TMEM132B: variants seen among roughly 807,000 people sequenced by gnomAD.
TMEM132B encodes transmembrane protein 132B.
TMEM132B carries 18 observed loss-of-function variants against 90.8 expected under a neutral mutation model. The observed-to-expected ratio is 0.20, with a 90% CI of 0.14 to 0.29. The LOEUF (loss-of-function observed/expected upper bound fraction) is 0.29, where lower values mean the gene tolerates loss of function less well. TMEM132B is among the 10% of genes least tolerant of loss of function. The pLI, the probability that TMEM132B is intolerant of heterozygous loss-of-function variation, is 1.00. For synonymous variants in TMEM132B, 504 were observed against 523.3 expected, an observed-to-expected ratio of 0.96 and a Z score of 0.50; for missense variants, 1,096 against 1,326.8, an observed-to-expected ratio of 0.83 and a Z score of 2.70.
chr12:125,561,966 C>T (rs897708161), intron 4 of TMEM132B, among the ~76,000 whole-genome samples: 10 of 152,166 alleles, frequency 6.6e-5, no homozygotes, highest in African/African-American at 2.4e-5. Context: ...ATTGGCTTCT[C>T]TTCTCTAGCG....
At chr12:125,565,878 T>C (rs1052124614) in intron 4 of TMEM132B, among the ~76,000 whole-genome samples, 1 of 152,226 alleles carries the variant, frequency 6.6e-6, no homozygotes, top group African/African-American at 2.4e-5. Flanking sequence ...CCTGTTCTTA[T>C]TTAGGGCTGT....
At chr12:125,231,317 C>T (rs77136561) in intron 1 of TMEM132B, among the ~76,000 whole-genome samples, 6,248 of 152,146 alleles carry the variant, frequency 0.041, 145 homozygotes, top group Non-Finnish European at 0.049. Flanking sequence ...TATGACCTCA[C>T]CTTAACTAAT....
chr12:125,563,280 G>A (rs1884582055), intron 4 of TMEM132B, among the ~76,000 whole-genome samples: 1 of 152,042 alleles, frequency 6.6e-6, no homozygotes, highest in Non-Finnish European at 1.5e-5. Flanking sequence ...AGACTTGCTC[G>A]ATGAAGAGTT....
chr12:125,660,869 G>C lies in TMEM132B; in HGVS notation c.*6159G>C, dbSNP rs1027958651. On this transcript the variant is annotated 3_prime_UTR_variant, in exon 9 of 9. Coordinates refer to ENST00000682704, the MANE Select transcript of TMEM132B (RefSeq NM_001366854.1). Reference sequence around the variant, plus strand: ...AGTCTCTTTAGATGCTGCAGGAACTGAGAGGATAGAAGACCTCTCTATACA... The same window carrying C: ...AGTCTCTTTAGATGCTGCAGGAACTCAGAGGATAGAAGACCTCTCTATACA... 1 of 152,214 alleles carries C rather than the reference G, an allele frequency of 6.6e-6. No homozygotes were observed. Among genetic ancestry groups the C allele is most frequent in the Non-Finnish European group, 1.5e-5 (1 of 68,036 alleles). 9.4% of individuals were successfully genotyped at this position (152,214 alleles called of 1,614,324 possible).
intron 6 of TMEM132B, among the ~76,000 whole-genome samples, chr12:125,646,995 A>G (rs192515265): frequency 1.9e-4 from 29 of 152,326 alleles, no homozygotes; most frequent in African/African-American, 7.0e-4. Context: ...AATGGAAAAT[A>G]TCTCAGCAAG....
chr12:125,533,625 C>A (rs1433260752), intron 4 of TMEM132B, among the ~76,000 whole-genome samples: 2 of 152,190 alleles, frequency 1.3e-5, no homozygotes, highest in Non-Finnish European at 2.9e-5. Context: ...TCCTGGCGCA[C>A]CCGCTAGATG....
intron 1 of TMEM132B, among the ~76,000 whole-genome samples, chr12:125,237,101 CT>C (rs1228098575): frequency 6.6e-6 from 1 of 152,242 alleles, no homozygotes; most frequent in East Asian, 1.9e-4. Context: ...TATTTGGGTT[CT>C]ACCCAGAAGC....
Position 125,657,836 on chromosome 12 carries a change from G to T in TMEM132B, c.*3126G>T, listed in dbSNP as rs1887105099. ...AGTGAACTCTGTGGTCACATGAAGG[G>T]AGGTTCAGATGCTAGACGACCAGCG... On this transcript the variant is annotated 3_prime_UTR_variant, in exon 9 of 9. Transcript: ENST00000682704. 6.6e-6 allele frequency: 1 copy of T among 152,294 alleles called. No individual in the cohort carries two copies. The highest frequency in any genetic ancestry group is 1.5e-5 in the Non-Finnish European group (1 of 68,062). The allele number at this position is 152,294 out of a possible 1,614,324, so 9.4% of individuals were successfully genotyped here.
At chr12:125,561,459 G>A (rs1011686082) in intron 4 of TMEM132B, among the ~76,000 whole-genome samples, 6 of 152,058 alleles carry the variant, frequency 3.9e-5, no homozygotes, top group African/African-American at 1.2e-4. Flanking sequence ...ACCATGGCAC[G>A]TGTATACCTT....
At chr12:125,293,620 A>T (rs1275137014) in intron 1 of TMEM132B, among the ~76,000 whole-genome samples, 1 of 152,208 alleles carries the variant, frequency 6.6e-6, no homozygotes, top group Non-Finnish European at 1.5e-5. Flanking sequence ...GCTGCAAAGG[A>T]CATGATTTTG....
At chr12:125,218,224 G>A (rs1873481670) in intron 1 of TMEM132B, among the ~76,000 whole-genome samples, 1 of 152,028 alleles carries the variant, frequency 6.6e-6, no homozygotes, top group Admixed American at 6.6e-5. Flanking sequence ...AGGTGATAAT[G>A]TTGTATGGTG....
intron 2 of TMEM132B, among the ~76,000 whole-genome samples, chr12:125,405,904 C>T (rs995327970): frequency 6.6e-6 from 1 of 152,208 alleles, no homozygotes; most frequent in African/African-American, 2.4e-5. Context: ...CGCTAGGATG[C>T]ACATGGCTGC....
chr12:125,257,076 G>A (rs554417521), intron 1 of TMEM132B, among the ~76,000 whole-genome samples: 1 of 152,284 alleles, frequency 6.6e-6, no homozygotes, highest in East Asian at 1.9e-4. Context: ...ACTTTGGGAG[G>A]CTGAGGCAGG....
chr12:125,320,972 T>A (rs2136189974), intron 1 of TMEM132B, among the ~76,000 whole-genome samples: 1 of 152,346 alleles, frequency 6.6e-6, no homozygotes, highest in South Asian at 2.1e-4. Context: ...TTGTTCCACT[T>A]AAGAGGAAGG....
chr12:125,315,284 C>T (rs1231716856), intron 1 of TMEM132B, among the ~76,000 whole-genome samples: 10 of 152,208 alleles, frequency 6.6e-5, no homozygotes, highest in Non-Finnish European at 1.0e-4. Flanking sequence ...CGGCAACCTC[C>T]GTCTCCCAGG....
At chr12:125,223,250 A>G (rs908212640) in intron 1 of TMEM132B, among the ~76,000 whole-genome samples, 23 of 152,236 alleles carry the variant, frequency 1.5e-4, no homozygotes, top group Non-Finnish European at 2.8e-4. Flanking sequence ...ATATTTTAGC[A>G]AAAATGCACT....
chr12:125,597,367 G>A (rs557499728), intron 5 of TMEM132B, among the ~76,000 whole-genome samples: 2 of 152,274 alleles, frequency 1.3e-5, no homozygotes, highest in East Asian at 3.9e-4. Context: ...AGTGCTTAAT[G>A]TGCCTGGCTT....
At chr12:125,188,367 T>A (rs67041765) in intron 1 of TMEM132B, among the ~76,000 whole-genome samples, 1 of 152,156 alleles carries the variant, frequency 6.6e-6, no homozygotes, top group Non-Finnish European at 1.5e-5. Context: ...CCCTGGGACC[T>A]GTTTGCAAAA....
intron 4 of TMEM132B, among the ~76,000 whole-genome samples, chr12:125,558,471 G>A (rs187321474): frequency 1.4e-3 from 213 of 152,292 alleles, no homozygotes; most frequent in Non-Finnish European, 2.1e-3. Flanking sequence ...ATGATCTGTG[G>A]CTAGTCTGAA....
Sources: gnomAD v4.1 joint callset for allele counts (sites outside exome capture counted in the v4.1 genomes callset) on GRCh38, gnomAD v4.1.1 for gene constraint, MANE v1.5 for transcripts, NCBI Gene and HGNC (gene_info 2026-07-23, HGNC 2026-07-21) for gene names.